PRKACA: variants seen among roughly 807,000 people sequenced by gnomAD.
The protein encoded by PRKACA is cAMP-dependent protein kinase catalytic subunit alpha.
In PRKACA, 9 loss-of-function variants were observed where a neutral mutation model predicts 45.8. The observed-to-expected ratio is 0.20, with a 90% CI of 0.12 to 0.34. The LOEUF (loss-of-function observed/expected upper bound fraction) is 0.34, where lower values mean the gene tolerates loss of function less well. PRKACA is among the 10% of genes least tolerant of loss of function. The probability of loss-of-function intolerance (pLI) is 1.00; values close to 1 mark genes in which losing one functional copy is unlikely to be tolerated. For synonymous variants in PRKACA, 160 were observed against 178.6 expected (o/e 0.90, Z 0.83); for missense variants, 238 against 458.6 (o/e 0.52, Z 4.39).
At chr19:14,105,730 C>T (rs184486691) in intron 3 of PRKACA, among the ~76,000 whole-genome samples, 3 of 152,136 alleles carry the variant, frequency 2.0e-5, no homozygotes, top group South Asian at 2.1e-4. Context: ...CGTGCGCCAC[C>T]GTGCTTGGCT....
intron 1 of PRKACA, chr19:14,107,703 G>C (rs1472624693): frequency 2.5e-6 from 3 of 1,193,820 alleles, no homozygotes; most frequent in Admixed American, 8.4e-5. Context: ...ACTCGCCCCA[G>C]TTCTGACCGA....
At position 14,099,906 on chromosome 19, in the gene PRKACA, C is replaced by T. The variant is rs186614447; in HGVS notation, c.419+920G>A. Among the ~76,000 whole-genome samples, 1,243 of 152,012 alleles carry T rather than the reference C, an allele frequency of 8.2e-3. 18 individuals are homozygous for T. The highest frequency in any genetic ancestry group is 0.027 in the African/African-American group (1,138 of 41,452). On this transcript the variant is annotated intron_variant, in intron 5 of 9. Transcript: ENST00000308677. Reference sequence around the variant, plus strand: ...CACCCAGGCTGGAAGTGCAGTGGCGCGATCTCGGCTCACTGCAAACTCCGC... The same window carrying T: ...CACCCAGGCTGGAAGTGCAGTGGCGTGATCTCGGCTCACTGCAAACTCCGC...
chr19:14,093,244 A>T lies in PRKACA; in HGVS notation c.931-7T>A, dbSNP rs1015386384. 1 of 1,611,344 alleles carries T rather than the reference A, an allele frequency of 6.2e-7. No individual in the cohort carries two copies. Among genetic ancestry groups the T allele is most frequent in the Non-Finnish European group, 8.5e-7 (1 of 1,179,092 alleles). On this transcript the variant is annotated splice_region_variant and splice_polypyrimidine_tract_variant and intron_variant, in intron 9 of 9. Transcript: ENST00000308677. ...GTATGAAGGGAGCTTCCACCTGGAG[A>T]GGGATCAAGAATCACCCAGACCTCA...
chr19:14,103,909 C>G (rs563084669), intron 3 of PRKACA, among the ~76,000 whole-genome samples: 3 of 152,034 alleles, frequency 2.0e-5, no homozygotes, highest in African/African-American at 7.2e-5. Context: ...CTACAAACAA[C>G]AACAAGGACA....
chr19:14,093,993 A>C (rs1226787615), intron 8 of PRKACA, among the ~76,000 whole-genome samples: 1 of 152,066 alleles, frequency 6.6e-6, no homozygotes, highest in East Asian at 1.9e-4. Context: ...GAGAATCTGC[A>C]TTTCTTTAAA....
Position 14,093,042 on chromosome 19 carries a change from A to AGGCCC in PRKACA, c.*69_*70insGGGCC. ...TGGGGCCCTCTGGCTGTTCAATCCA[A>AGGCCC]CCCTCCCACCCCCCCGACCAAAAAA... is the stretch of plus-strand genomic sequence containing the variant. On this transcript the variant is annotated 3_prime_UTR_variant, in exon 10 of 10. Transcript: ENST00000308677. The AGGCCC allele has an allele frequency of 1.1e-5, 2 of 179,798 alleles. No individual in the cohort carries two copies. Among genetic ancestry groups the AGGCCC allele is most frequent in the Non-Finnish European group, 2.2e-5 (2 of 90,682 alleles). 11.1% of individuals were successfully genotyped at this position (179,798 alleles called of 1,614,324 possible). A position where few individuals can be genotyped will look rare whatever the true frequency, so the allele number is the denominator to read the frequency against.
At chr19:14,099,256 C>T (rs1000981700) in intron 5 of PRKACA, among the ~76,000 whole-genome samples, 1 of 152,192 alleles carries the variant, frequency 6.6e-6, no homozygotes, top group Non-Finnish European at 1.5e-5. Context: ...CGTGCCACTG[C>T]ACTCCAGCCT....
intron 5 of PRKACA, among the ~76,000 whole-genome samples, chr19:14,100,584 C>A (rs959339591): frequency 3.3e-5 from 5 of 152,198 alleles, no homozygotes; most frequent in Admixed American, 6.5e-5. Context: ...TGGTGAGAAC[C>A]ACCGTGCCTG....
chr19:14,104,471 T>C (rs1248284571), intron 3 of PRKACA, among the ~76,000 whole-genome samples: 5 of 148,982 alleles, frequency 3.4e-5, no homozygotes, highest in Non-Finnish European at 7.4e-5. Context: ...CCGAGGCCGG[T>C]GGATTACAAG....
rs1015526943 is a variant in PRKACA, at chr19:14,097,497, G to T, written c.643-14C>A. On this transcript the variant is annotated splice_polypyrimidine_tract_variant and intron_variant, in intron 7 of 9. Coordinates refer to ENST00000308677, the MANE Select transcript of PRKACA (RefSeq NM_002730.4). This position sits in a 1 kb window ranked among gnomAD's most constrained non-coding sequence, Gnocchi z 5.4. ...CTTGTTGTAGCCCTGGAGCAAGATG[G>T]GGGGGCACAGGGTGAGGAGGAGGCG... 2.5e-6 allele frequency: 4 copies of T among 1,614,092 alleles called. No homozygotes were observed. The highest frequency in any genetic ancestry group is 3.4e-6 in the Non-Finnish European group (4 of 1,180,008).
chr19:14,113,384 C>T (rs1297716953), intron 1 of PRKACA, among the ~76,000 whole-genome samples: 1 of 152,142 alleles, frequency 6.6e-6, no homozygotes, highest in African/African-American at 2.4e-5. Flanking sequence ...AGCCTGCCGC[C>T]CTGCCCACAT....
chr19:14,093,382 G>A (rs112818863), intron 9 of PRKACA, 145 bp from the exon 10 acceptor site: 14 of 1,192,030 alleles, frequency 1.2e-5, no homozygotes, highest in East Asian at 2.5e-5. Context: ...CCTCTTAACA[G>A]CCCGAAACTC....
chr19:14,102,410 C>A (rs7246580), intron 4 of PRKACA, among the ~76,000 whole-genome samples: 2,360 of 152,234 alleles, frequency 0.016, 66 homozygotes, highest in African/African-American at 0.053. Context: ...CTGGTATGAT[C>A]CCCATTTTAC....
intron 3 of PRKACA, among the ~76,000 whole-genome samples, chr19:14,105,774 T>C (rs1416427453): frequency 1.3e-5 from 2 of 152,098 alleles, no homozygotes; most frequent in Non-Finnish European, 2.9e-5. Flanking sequence ...AAACAGAAAA[T>C]TTAAAATTGC....
At chr19:14,110,054 A>T (rs1250891102) in intron 1 of PRKACA, among the ~76,000 whole-genome samples, 1 of 144,166 alleles carries the variant, frequency 6.9e-6, no homozygotes, top group East Asian at 2.0e-4. Flanking sequence ...TCATGCCTGT[A>T]ATCCCAGTGC....
At chr19:14,096,710 A>G (rs956100916) in intron 8 of PRKACA, 7 of 162,642 alleles carry the variant, frequency 4.3e-5, no homozygotes, top group Non-Finnish European at 9.5e-5. Context: ...GCCTACGGTG[A>G]TTACCTACTC....
In PRKACA at chr19:14,093,120, C is replaced by A; in HGVS notation, c.1048G>T (p.Glu350Ter). The A allele has an allele frequency of 6.6e-7, 1 of 1,524,948 alleles. No homozygotes were observed. The highest frequency in any genetic ancestry group is 1.1e-5 in the South Asian group (1 of 89,648). The allele number at this position is 1,524,948 out of a possible 1,614,324, so 94.5% of individuals were successfully genotyped here. The change falls in exon 10 of 10, where the codon GAG (glutamate) becomes TAG (stop). Residue 350 changes from glutamate to a stop codon, truncating the protein, a stop_gained. Coordinates refer to ENST00000308677, the MANE Select transcript of PRKACA (RefSeq NM_002730.4). LOFTEE classifies it high-confidence loss of function. Reference protein sequence around the residue: ...INEKCGKEFSEF With the variant: ...INEKCGKEFS Reference sequence around the variant, plus strand: ...GGGGCACAGGCATGCCCCTAAAACTCAGAAAACTCCTTGCCACACTTCTCA... The same window carrying A: ...GGGGCACAGGCATGCCCCTAAAACTAAGAAAACTCCTTGCCACACTTCTCA...
chr19:14,102,672 C>G (rs1424283974), intron 4 of PRKACA, 144 bp downstream of exon 4: 2 of 715,930 alleles, frequency 2.8e-6, no homozygotes, highest in Admixed American at 2.4e-5. Flanking sequence ...TGACTCCTGT[C>G]CCCTGATCTC....
chr19:14,094,398 A>T (rs1977186222), intron 8 of PRKACA, among the ~76,000 whole-genome samples: 1 of 152,148 alleles, frequency 6.6e-6, no homozygotes, highest in African/African-American at 2.4e-5. Flanking sequence ...CATATTGGTC[A>T]GGCTGGTCTT....
Sources: gnomAD v4.1 joint callset for allele counts (sites outside exome capture counted in the v4.1 genomes callset) on GRCh38, gnomAD v4.1.1 for gene constraint, Gnocchi (gnomAD v3.1) non-coding constraint, MANE v1.5 for transcripts, NCBI Gene and HGNC (gene_info 2026-07-23, HGNC 2026-07-21) for gene names.